RLN2: variants seen among roughly 807,000 people sequenced by gnomAD.
RLN2 encodes the protein prorelaxin H2.
In RLN2, 10 loss-of-function variants were observed where a neutral mutation model predicts 7.3. The observed-to-expected ratio is 1.36, with a 90% CI of 0.84 to 2.31. The LOEUF is 2.31. Among genes scored for constraint, RLN2 ranks in the 30% most tolerant of loss-of-function variants. The pLI, the probability that RLN2 is intolerant of heterozygous loss-of-function variation, is 0.00. For missense variants in RLN2, 298 were observed against 217.6 expected, an observed-to-expected ratio of 1.37 and a Z score of -2.32; for synonymous variants, 103 against 82.3, an observed-to-expected ratio of 1.25 and a Z score of -1.36.
chr9:5,336,765 A>G, the RLN2 span, among the ~76,000 whole-genome samples: 1 of 152,062 alleles, frequency 6.6e-6, no homozygotes, highest in East Asian at 1.9e-4. Context: ...CCAAGGCATT[A>G]CTCTTGAAAT....
At chr9:5,304,931 A>G (rs938420110), upstream of RLN2, 2 of 225,342 alleles carry the variant, frequency 8.9e-6, no homozygotes, top group Non-Finnish European at 1.8e-5. Flanking sequence ...CATTTTAGAT[A>G]TGAAGCCTTT....
the RLN2 span, among the ~76,000 whole-genome samples, chr9:5,314,660 T>A: frequency 6.6e-6 from 1 of 152,032 alleles, no homozygotes; most frequent in Non-Finnish European, 1.5e-5. Context: ...CATTAGAGTA[T>A]GAGCTGCTGA....
the RLN2 span, among the ~76,000 whole-genome samples, chr9:5,333,911 A>T: frequency 6.6e-6 from 1 of 152,036 alleles, no homozygotes; most frequent in Non-Finnish European, 1.5e-5. Flanking sequence ...AGAACTAAAG[A>T]CAAAAACCAT....
At chr9:5,319,381 G>A in the RLN2 span, among the ~76,000 whole-genome samples, 6 of 151,992 alleles carry the variant, frequency 3.9e-5, no homozygotes, top group South Asian at 1.3e-3. Context: ...CAGGTGCAGG[G>A]AAATGAAGAA....
the RLN2 span, chr9:5,335,091 A>G: frequency 1.9e-6 from 1 of 513,222 alleles, no homozygotes; most frequent in Non-Finnish European, 3.4e-6. Context: ...AGAAACTACA[A>G]TCATACAAAG....
At chr9:5,324,785 G>C in the RLN2 span, among the ~76,000 whole-genome samples, 1 of 152,006 alleles carries the variant, frequency 6.6e-6, no homozygotes, top group Non-Finnish European at 1.5e-5. Context: ...TTATTATTGT[G>C]TAATAAGCAT....
the RLN2 span, among the ~76,000 whole-genome samples, chr9:5,323,062 C>T: frequency 6.6e-6 from 1 of 151,618 alleles, no homozygotes; most frequent in African/African-American, 2.4e-5. Context: ...CTTTTTCTCA[C>T]TGGAGAGACT....
At chr9:5,302,952 A>T (rs548836591) in intron 1 of RLN2, among the ~76,000 whole-genome samples, 97 of 137,824 alleles carry the variant, frequency 7.0e-4, no homozygotes, top group African/African-American at 2.5e-3. Flanking sequence ...TATACTTTTC[A>T]AAGTCCTTAA....
the RLN2 span, among the ~76,000 whole-genome samples, chr9:5,330,341 T>C: frequency 0.011 from 1,615 of 151,790 alleles, 28 homozygotes; most frequent in Non-Finnish European, 0.015. Context: ...AACATCACAA[T>C]TAAAAGAATT....
chr9:5,306,362 C>G (rs1331324652), upstream of RLN2, among the ~76,000 whole-genome samples: 1 of 151,804 alleles, frequency 6.6e-6, no homozygotes, highest in Non-Finnish European at 1.5e-5. Context: ...CCCACCTTGG[C>G]CTCCCAAAGT....
At chr9:5,324,292 C>A in the RLN2 span, among the ~76,000 whole-genome samples, 1 of 151,762 alleles carries the variant, frequency 6.6e-6, no homozygotes, top group Non-Finnish European at 1.5e-5. Flanking sequence ...ACGCATAATC[C>A]CCACTCAATA....
rs370324523 is a variant in RLN2, at chr9:5,300,448, T to C, written c.212-4A>G. On this transcript the variant is annotated splice_polypyrimidine_tract_variant and splice_region_variant and intron_variant, in intron 1 of 1. Transcript: ENST00000381627. ...TTGATGAAGGATGGCACAATTTCTG[T>C]TAAATTTAAAAAAAAAGGTGTATGT... The C allele has an allele frequency of 2.1e-5, 33 of 1,583,084 alleles. No homozygotes were observed. The highest frequency in any genetic ancestry group is 2.7e-5 in the Non-Finnish European group (32 of 1,164,358).
At chr9:5,309,796 T>C in the RLN2 span, among the ~76,000 whole-genome samples, 4 of 151,796 alleles carry the variant, frequency 2.6e-5, 1 homozygote, top group Non-Finnish European at 5.9e-5. Flanking sequence ...CACATCTGGG[T>C]TGAAGGAAAT....
chr9:5,333,649 C>A, the RLN2 span, among the ~76,000 whole-genome samples: 2 of 151,894 alleles, frequency 1.3e-5, no homozygotes, highest in Non-Finnish European at 2.9e-5. Context: ...AAAGGAGGGA[C>A]CTCTCCCTAA....
chr9:5,329,892 G>C, the RLN2 span, among the ~76,000 whole-genome samples: 1 of 151,982 alleles, frequency 6.6e-6, no homozygotes, highest in Admixed American at 6.6e-5. Flanking sequence ...CTTGAACTCA[G>C]CTCTGCACCA....
chr9:5,311,783 C>T, the RLN2 span: 4 of 732,396 alleles, frequency 5.5e-6, no homozygotes, highest in African/African-American at 1.8e-5. Context: ...ATTTTTTTAT[C>T]AAGTTTTATA....
At chr9:5,328,341 G>C in the RLN2 span, among the ~76,000 whole-genome samples, 79 of 152,098 alleles carry the variant, frequency 5.2e-4, no homozygotes, top group African/African-American at 1.8e-3. Flanking sequence ...ATGAAATAAA[G>C]TGAGAAGACA....
upstream of RLN2, among the ~76,000 whole-genome samples, chr9:5,306,111 T>TG (rs992170652): frequency 1.3e-4 from 16 of 122,772 alleles, no homozygotes; most frequent in Admixed American, 3.4e-4. Context: ...TGTTTTTTGT[T>TG]TTTTTTTTTT....
the RLN2 span, among the ~76,000 whole-genome samples, chr9:5,330,840 T>C: frequency 4.0e-3 from 585 of 146,314 alleles, 10 homozygotes; most frequent in African/African-American, 0.014. Context: ...ACAAAATAGA[T>C]AGACCACTAG....
Sources: gnomAD v4.1 joint callset for allele counts (sites outside exome capture counted in the v4.1 genomes callset) on GRCh38, gnomAD v4.1.1 for gene constraint, MANE v1.5 for transcripts, NCBI Gene and HGNC (gene_info 2026-07-23, HGNC 2026-07-21) for gene names.